The following ADAMTSL1 variants were observed in gnomAD, a reference collection of about 807,000 sequenced individuals.
ADAMTSL1 encodes ADAMTS like 1.
A neutral mutation model predicts 201.8 loss-of-function variants in ADAMTSL1; 126 were observed. That is an observed-to-expected ratio of 0.62 (90% CI 0.54 to 0.72). The LOEUF (loss-of-function observed/expected upper bound fraction) is 0.72, where lower values mean the gene tolerates loss of function less well. ADAMTSL1 is among the 30% of genes least tolerant of loss of function. The pLI, the probability that ADAMTSL1 is intolerant of heterozygous loss-of-function variation, is 0.00. For missense variants in ADAMTSL1, 2,679 were observed against 2,277.8 expected (o/e 1.18, Z -3.59); for synonymous variants, 1,121 against 903.4 (o/e 1.24, Z -4.32).
intron 13 of ADAMTSL1, among the ~76,000 whole-genome samples, chr9:18,692,273 C>A (rs1202449300): frequency 6.6e-6 from 1 of 152,198 alleles, no homozygotes; most frequent in Non-Finnish European, 1.5e-5. Flanking sequence ...AAAGCAACCT[C>A]TCTCTACTCT....
At chr9:18,159,091 T>C (rs1043214480) in intron 1 of ADAMTSL1, among the ~76,000 whole-genome samples, 1 of 152,044 alleles carries the variant, frequency 6.6e-6, no homozygotes, top group Non-Finnish European at 1.5e-5. Context: ...TATTTAAATA[T>C]AGGTGTACAT....
chr9:18,822,894 T>G (rs997774536), intron 21 of ADAMTSL1, among the ~76,000 whole-genome samples: 2 of 152,222 alleles, frequency 1.3e-5, no homozygotes, highest in Non-Finnish European at 2.9e-5. Context: ...CACTACCTTT[T>G]CAAGGGACTC....
At chr9:18,078,953 T>G (rs1823350744) in intron 1 of ADAMTSL1, among the ~76,000 whole-genome samples, 1 of 152,154 alleles carries the variant, frequency 6.6e-6, no homozygotes, top group African/African-American at 2.4e-5. Flanking sequence ...TCTCCTTGGC[T>G]CCCATATCAG....
intron 4 of ADAMTSL1, among the ~76,000 whole-genome samples, chr9:18,583,600 T>A (rs1399955388): frequency 6.6e-6 from 1 of 152,138 alleles, no homozygotes; most frequent in South Asian, 2.1e-4. Flanking sequence ...AGACGCAGAA[T>A]GGTAGATCCA....
intron 4 of ADAMTSL1, among the ~76,000 whole-genome samples, chr9:18,592,578 A>T (rs1823994672): frequency 6.6e-6 from 1 of 151,522 alleles, no homozygotes; most frequent in Non-Finnish European, 1.5e-5. Context: ...AGCCTCCTTG[A>T]CTCCTTTGCA....
Position 18,908,651 on chromosome 9 carries a change from C to T in ADAMTSL1, c.*103C>T. The stretch of plus-strand genomic sequence containing the variant: ...CTTCATTTTATTTATTTATTTCCCC[C>T]TCCCCACTCCACACACACCCTTCCA... On this transcript the variant is annotated 3_prime_UTR_variant, in exon 29 of 29. Coordinates refer to ENST00000380548, the MANE Select transcript of ADAMTSL1 (RefSeq NM_001040272.6). 1 of 923,388 alleles carries T rather than the reference C, an allele frequency of 1.1e-6. No individual in the cohort carries two copies. Among genetic ancestry groups the T allele is most frequent in the Middle Eastern group, 2.3e-4 (1 of 4,420 alleles). 57.2% of individuals were successfully genotyped at this position (923,388 alleles called of 1,614,324 possible).
At chr9:18,041,796 A>C (rs1469460238) in intron 1 of ADAMTSL1, among the ~76,000 whole-genome samples, 2 of 152,146 alleles carry the variant, frequency 1.3e-5, no homozygotes, top group East Asian at 3.8e-4. Context: ...TGATATCCCA[A>C]ATCAGCTGAG....
At chr9:18,496,776 C>A (rs772327730) in intron 1 of ADAMTSL1, among the ~76,000 whole-genome samples, 1 of 152,208 alleles carries the variant, frequency 6.6e-6, no homozygotes, top group Non-Finnish European at 1.5e-5. Context: ...TCAGATGTTT[C>A]CTTAGTTCTA....
intron 23 of ADAMTSL1, among the ~76,000 whole-genome samples, chr9:18,853,810 G>C (rs1007136967): frequency 1.3e-5 from 2 of 151,962 alleles, no homozygotes; most frequent in African/African-American, 2.4e-5. Context: ...TCACATGAAG[G>C]GGAGGAACAC....
chr9:18,169,997 T>A (rs755274587), intron 2 of ADAMTSL1, among the ~76,000 whole-genome samples: 6 of 152,008 alleles, frequency 3.9e-5, no homozygotes, highest in Non-Finnish European at 8.8e-5. Flanking sequence ...AAGCATAGAT[T>A]TGGTTACAGC....
At chr9:18,684,613 T>C in intron 12 of ADAMTSL1, 103 bp from the exon 13 acceptor site, 1 of 1,273,552 alleles carries the variant, frequency 7.9e-7, no homozygotes. Context: ...TTATTCGTGT[T>C]GGTCAACGTA....
At chr9:18,587,506 T>C (rs1186584568) in intron 4 of ADAMTSL1, among the ~76,000 whole-genome samples, 3 of 152,068 alleles carry the variant, frequency 2.0e-5, no homozygotes, top group Non-Finnish European at 4.4e-5. Flanking sequence ...CAATTCTTCT[T>C]TTCTAGCTAT....
At chr9:18,276,736 G>C (rs1832603052) in intron 2 of ADAMTSL1, among the ~76,000 whole-genome samples, 1 of 152,118 alleles carries the variant, frequency 6.6e-6, no homozygotes, top group Non-Finnish European at 1.5e-5. Context: ...GAGGTAAGAG[G>C]TGCCAAGTTA....
intron 15 of ADAMTSL1, among the ~76,000 whole-genome samples, chr9:18,740,548 C>T (rs1446376915): frequency 6.9e-6 from 1 of 145,920 alleles, no homozygotes; most frequent in Non-Finnish European, 1.5e-5. Context: ...GCAATCTCAG[C>T]TCATTGCAGC....
At chr9:18,602,928 C>G (rs1318711599) in intron 4 of ADAMTSL1, among the ~76,000 whole-genome samples, 1 of 152,132 alleles carries the variant, frequency 6.6e-6, no homozygotes, top group Non-Finnish European at 1.5e-5. Flanking sequence ...TACTTACTTT[C>G]TAAATACTCC....
rs185342798 is a variant in ADAMTSL1, at chr9:18,624,055, G to A, written c.601+1686G>A. 4.8e-4 allele frequency among the ~76,000 whole-genome samples: 73 copies of A among 152,220 alleles called. 1 individual carries two copies. The East Asian group carries it at 0.012, about 26-fold the overall frequency. ...GGCAGCTTGCCAAAGGATTAGCCTCGAGGTAAAAAGAGGAGGCAGAAACAA... is the reference window on the plus strand; with the variant it reads ...GGCAGCTTGCCAAAGGATTAGCCTCAAGGTAAAAAGAGGAGGCAGAAACAA... On this transcript the variant is annotated intron_variant, in intron 5 of 28. Transcript: ENST00000380548.
At chr9:17,913,251 A>T (rs1825961558) in intron 1 of ADAMTSL1, among the ~76,000 whole-genome samples, 1 of 152,268 alleles carries the variant, frequency 6.6e-6, no homozygotes, top group South Asian at 2.1e-4. Context: ...TGGTAGCTTG[A>T]TGGGGATGGC....
Position 18,689,551 on chromosome 9 carries a change from G to T in ADAMTSL1, c.1574+4751G>T, listed in dbSNP as rs75519903. Among the ~76,000 whole-genome samples the T allele has an allele frequency of 1.4e-4, 22 of 152,182 alleles. 1 individual carries two copies. Among genetic ancestry groups the T allele is most frequent in the Middle Eastern group, 3.4e-3 (1 of 294 alleles). ...AAAGGAAAAAGAAAAAAGAAAAAAA[G>T]GTATAGTCTGGATGCTTTAGGTGCT... On this transcript the variant is annotated intron_variant, in intron 13 of 28. Coordinates refer to ENST00000380548, the MANE Select transcript of ADAMTSL1 (RefSeq NM_001040272.6).
At chr9:18,833,139 C>T (rs1484597762) in intron 23 of ADAMTSL1, among the ~76,000 whole-genome samples, 1 of 152,222 alleles carries the variant, frequency 6.6e-6, no homozygotes, top group East Asian at 1.9e-4. Context: ...CTGGGCCTCA[C>T]TTTTCCATAA....
Sources: gnomAD v4.1 joint callset for allele counts (sites outside exome capture counted in the v4.1 genomes callset) on GRCh38, gnomAD v4.1.1 for gene constraint, MANE v1.5 for transcripts, NCBI Gene and HGNC (gene_info 2026-07-23, HGNC 2026-07-21) for gene names.